L3MBTL4: variants seen among roughly 807,000 people sequenced by gnomAD.
L3MBTL4 encodes the protein lethal(3)malignant brain tumor-like protein 4.
Under a neutral mutation model 84.5 loss-of-function variants are expected in L3MBTL4, and 70 were observed. That is an observed-to-expected ratio of 0.83 (90% confidence interval 0.68 to 1.01). The LOEUF is 1.01. Among genes scored for constraint, L3MBTL4 ranks in the 50% least tolerant of loss-of-function variants. The pLI, the probability that L3MBTL4 is intolerant of heterozygous loss-of-function variation, is 0.00. For synonymous variants in L3MBTL4, 274 were observed against 259.8 expected, an observed-to-expected ratio of 1.05 and a Z score of -0.52; for missense variants, 715 against 754.8, an observed-to-expected ratio of 0.95 and a Z score of 0.62.
intron 12 of L3MBTL4, among the ~76,000 whole-genome samples, chr18:6,189,784 A>G (rs936569956): frequency 6.6e-6 from 1 of 152,202 alleles, no homozygotes; most frequent in African/African-American, 2.4e-5. Context: ...AATAGCAGAA[A>G]AAAAGGCAAG....
chr18:6,134,502 C>G (rs925057704), intron 14 of L3MBTL4, among the ~76,000 whole-genome samples: 3 of 152,174 alleles, frequency 2.0e-5, no homozygotes, highest in African/African-American at 7.2e-5. Flanking sequence ...AAATCAAAAG[C>G]AAGCTAGTTA....
intron 13 of L3MBTL4, among the ~76,000 whole-genome samples, chr18:6,168,353 A>C (rs1365785645): frequency 2.0e-5 from 3 of 152,202 alleles, no homozygotes; most frequent in Middle Eastern, 3.2e-3. Context: ...GAACCAAAAA[A>C]GAGCCCGCAT....
chr18:5,995,833 G>A (rs1330746392), intron 16 of L3MBTL4, among the ~76,000 whole-genome samples: 2 of 152,190 alleles, frequency 1.3e-5, no homozygotes, highest in Non-Finnish European at 1.5e-5. Flanking sequence ...ACAGGGCATG[G>A]CTGGTAGGGA....
At chr18:6,398,048 T>A (rs1055591286) in intron 1 of L3MBTL4, 1 of 151,770 alleles carries the variant, frequency 6.6e-6, no homozygotes, top group African/African-American at 2.4e-5. Context: ...GGGGAAGTAA[T>A]AAATGGTGGC....
intron 14 of L3MBTL4, among the ~76,000 whole-genome samples, chr18:6,111,142 C>T (rs1232268210): frequency 6.6e-6 from 1 of 151,778 alleles, no homozygotes; most frequent in Non-Finnish European, 1.5e-5. Context: ...AAGATGGAGC[C>T]GGAGAGGTGA....
chr18:5,969,986 T>C (rs560621754), intron 16 of L3MBTL4, among the ~76,000 whole-genome samples: 3 of 152,222 alleles, frequency 2.0e-5, no homozygotes, highest in Non-Finnish European at 4.4e-5. Flanking sequence ...AATAATTTCT[T>C]CCTGGAAACA....
At chr18:6,004,796 C>G (rs1008233051) in intron 16 of L3MBTL4, among the ~76,000 whole-genome samples, 12 of 151,896 alleles carry the variant, frequency 7.9e-5, no homozygotes, top group Admixed American at 1.3e-4. Flanking sequence ...TGAGAGTAGT[C>G]AAATTCATAG....
chr18:6,031,217 T>C, intron 16 of L3MBTL4: 1 of 985,424 alleles, frequency 1.0e-6, no homozygotes, highest in Non-Finnish European at 1.2e-6. Flanking sequence ...TTATTTTAGT[T>C]TCTGTTTCAA....
At chr18:6,407,146 T>C (rs984364624) in intron 1 of L3MBTL4, among the ~76,000 whole-genome samples, 19 of 152,206 alleles carry the variant, frequency 1.2e-4, no homozygotes, top group African/African-American at 4.1e-4. Context: ...CTTGTCCTCA[T>C]AGTAAAAGAA....
intron 16 of L3MBTL4, among the ~76,000 whole-genome samples, chr18:6,002,319 G>T (rs2054250255): frequency 1.3e-5 from 2 of 152,134 alleles, no homozygotes; most frequent in Non-Finnish European, 1.5e-5. Context: ...AAGTTGAAAT[G>T]AAGGACTCTA....
In L3MBTL4 at chr18:5,960,126, A is replaced by G; in HGVS notation, c.1645T>C (p.Cys549Arg). ...VAEFVQSLLG[C>R]EEHAKCFKKE... ...TTAAAGCACTTGGCATGCTCTTCACAGCCCAGAAGAGACTGTACAAACTCA... is the reference window on the plus strand; with the variant it reads ...TTAAAGCACTTGGCATGCTCTTCACGGCCCAGAAGAGACTGTACAAACTCA... Residue 549 changes from cysteine (C) to arginine (R), a missense_variant, in exon 18 of 19, where the codon TGT (cysteine) becomes CGT (arginine). Transcript: ENST00000317931. The G allele has an allele frequency of 6.3e-7, 1 of 1,581,770 alleles. No homozygotes were observed. The highest frequency in any genetic ancestry group is 8.6e-7 in the Non-Finnish European group (1 of 1,162,396).
rs375884393 is a variant in L3MBTL4, at chr18:6,181,810, C to G, written c.982-9868G>C. On this transcript the variant is annotated intron_variant, in intron 12 of 18. Coordinates refer to ENST00000317931, the MANE Select transcript of L3MBTL4 (RefSeq NM_001330559.2). ...GTTCACTTAGGATAACGGTCTCCAGCTCCATCTCTGTTGCTATAAAGGACA... is the reference window on the plus strand; with the variant it reads ...GTTCACTTAGGATAACGGTCTCCAGGTCCATCTCTGTTGCTATAAAGGACA... 8.6e-4 allele frequency among the ~76,000 whole-genome samples: 131 copies of G among 152,288 alleles called. No individual in the cohort carries two copies. In the South Asian group the frequency reaches 0.013, roughly 15 times the overall value.
chr18:6,340,666 G>C lies in L3MBTL4; in HGVS notation c.-90-28610C>G, dbSNP rs182930453. Among the ~76,000 whole-genome samples, 304 of 152,144 alleles carry C rather than the reference G, an allele frequency of 2.0e-3. 1 individual carries two copies. Among genetic ancestry groups the C allele is most frequent in the Non-Finnish European group, 3.3e-3 (227 of 67,998 alleles). The stretch of plus-strand genomic sequence containing the variant: ...AATCAGCTAGCAAACTCCACCAAGA[G>C]ACTCACTGACAAATCCCTCAAAATG... On this transcript the variant is annotated intron_variant, in intron 1 of 18. Coordinates refer to ENST00000317931, the MANE Select transcript of L3MBTL4 (RefSeq NM_001330559.2).
chr18:6,285,641 G>T lies in L3MBTL4; in HGVS notation c.127+16262C>A, dbSNP rs147666077. Among the ~76,000 whole-genome samples, 449 of 151,932 alleles carry T rather than the reference G, an allele frequency of 3.0e-3. 5 individuals carry two copies. Among genetic ancestry groups the T allele is most frequent in the African/African-American group, 0.01 (432 of 41,434 alleles). On this transcript the variant is annotated intron_variant, in intron 4 of 18. Transcript: ENST00000317931. ...GCTCCAAAGATGTAATTCCCTGCAA[G>T]CCCTGCTGCTGAAGTCACCTGCTGC... is the stretch of plus-strand genomic sequence containing the variant.
chr18:6,213,760 C>T (rs182678098), intron 11 of L3MBTL4, among the ~76,000 whole-genome samples: 62 of 152,172 alleles, frequency 4.1e-4, no homozygotes, highest in African/African-American at 7.2e-4. Context: ...TTATTTCATC[C>T]GATTCACAAA....
chr18:5,997,667 T>G (rs1376391846), intron 16 of L3MBTL4, among the ~76,000 whole-genome samples: 1 of 152,102 alleles, frequency 6.6e-6, no homozygotes, highest in African/African-American at 2.4e-5. Context: ...TTACACATAC[T>G]GATTGATGTC....
At chr18:6,238,113 T>C in intron 9 of L3MBTL4, 73 bp from the exon 10 acceptor site, 1 of 1,318,440 alleles carries the variant, frequency 7.6e-7, no homozygotes, top group Non-Finnish European at 1.1e-6. Flanking sequence ...GTAACAATCA[T>C]TCTGGATATC....
chr18:6,123,547 C>T (rs756561256), intron 14 of L3MBTL4, among the ~76,000 whole-genome samples: 8 of 152,114 alleles, frequency 5.3e-5, no homozygotes, highest in Non-Finnish European at 1.0e-4. Flanking sequence ...GCTACTCCTT[C>T]GCCTTCCACC....
intron 4 of L3MBTL4, among the ~76,000 whole-genome samples, chr18:6,266,174 C>T (rs1405178296): frequency 6.6e-6 from 1 of 152,136 alleles, no homozygotes; most frequent in African/African-American, 2.4e-5. Context: ...CATATTTATA[C>T]AGCAACTTCT....
Sources: gnomAD v4.1 joint callset for allele counts (sites outside exome capture counted in the v4.1 genomes callset) on GRCh38, gnomAD v4.1.1 for gene constraint, MANE v1.5 for transcripts, NCBI Gene and HGNC (gene_info 2026-07-23, HGNC 2026-07-21) for gene names.